The following ATG5 variants were observed in gnomAD, a reference collection of about 807,000 sequenced individuals.
ATG5 encodes the protein autophagy protein 5.
Under a neutral mutation model 36.5 loss-of-function variants are expected in ATG5, and 14 were observed. That is an observed-to-expected ratio of 0.38 (90% CI 0.25 to 0.60). ATG5 has a LOEUF of 0.60. Among genes scored for constraint, ATG5 ranks in the 20% least tolerant of loss-of-function variants. The pLI is 0.60. For synonymous variants in ATG5, 95 were observed against 101.5 expected (o/e 0.94, Z 0.38); for missense variants, 195 against 326.7 (o/e 0.60, Z 3.11).
At chr6:106,305,514 G>A (rs989329479) in intron 3 of ATG5, among the ~76,000 whole-genome samples, 1 of 152,048 alleles carries the variant, frequency 6.6e-6, no homozygotes, top group South Asian at 2.1e-4. Flanking sequence ...CAGTGACAAG[G>A]TTATAAAGAG....
chr6:106,296,023 A>T (rs573676613), intron 3 of ATG5, among the ~76,000 whole-genome samples: 1 of 152,310 alleles, frequency 6.6e-6, no homozygotes, highest in African/African-American at 2.4e-5. Flanking sequence ...AACAAAGTAC[A>T]TAATAAACAA....
At chr6:106,213,182 T>C (rs1212736490) in intron 6 of ATG5, among the ~76,000 whole-genome samples, 5 of 152,230 alleles carry the variant, frequency 3.3e-5, no homozygotes, top group Non-Finnish European at 7.3e-5. Flanking sequence ...ATATTTACTA[T>C]GCATTTACCA....
intron 4 of ATG5, among the ~76,000 whole-genome samples, chr6:106,291,103 GGCCAGT>G (rs1562258917): frequency 6.6e-6 from 1 of 152,122 alleles, no homozygotes; most frequent in Non-Finnish European, 1.5e-5. Context: ...AAAAATAAGT[GGCCAGT>G]TCAGCTGGCA....
At chr6:106,242,410 A>G (rs1166573816) in intron 6 of ATG5, among the ~76,000 whole-genome samples, 3 of 152,228 alleles carry the variant, frequency 2.0e-5, no homozygotes, top group Non-Finnish European at 4.4e-5. Flanking sequence ...ATGGATGTCA[A>G]ATCCATAAAG....
At chr6:106,212,880 G>C (rs1353293146) in intron 6 of ATG5, among the ~76,000 whole-genome samples, 2 of 152,072 alleles carry the variant, frequency 1.3e-5, no homozygotes, top group African/African-American at 4.8e-5. Flanking sequence ...AGCATACTAT[G>C]GTACATTACT....
chr6:106,306,584 T>G (rs11961938), intron 3 of ATG5, among the ~76,000 whole-genome samples: 1,592 of 152,336 alleles, frequency 0.01, 25 homozygotes, highest in African/African-American at 0.036. Flanking sequence ...ATGTCAGTAG[T>G]GACCCTATTG....
At chr6:106,321,808 A>G (rs1771086380) in intron 1 of ATG5, among the ~76,000 whole-genome samples, 1 of 152,130 alleles carries the variant, frequency 6.6e-6, no homozygotes, top group Non-Finnish European at 1.5e-5. Flanking sequence ...CCCTCCCCAC[A>G]TTGAACTGGG....
At chr6:106,315,603 C>T (rs931353634) in intron 2 of ATG5, among the ~76,000 whole-genome samples, 2 of 151,798 alleles carry the variant, frequency 1.3e-5, no homozygotes, top group African/African-American at 4.8e-5. Context: ...GCTCAGTGAA[C>T]GTATCGTGTG....
chr6:106,258,728 T>C (rs1441874154), intron 5 of ATG5, among the ~76,000 whole-genome samples: 3 of 152,222 alleles, frequency 2.0e-5, no homozygotes, highest in Non-Finnish European at 2.9e-5. Flanking sequence ...TAACATTCAA[T>C]GTTCAGCCAA....
chr6:106,291,825 C>T (rs990192250), intron 4 of ATG5, among the ~76,000 whole-genome samples: 1 of 152,178 alleles, frequency 6.6e-6, no homozygotes, highest in African/African-American at 2.4e-5. Context: ...TCATGCATAC[C>T]AACACTATGT....
At chr6:106,270,095 T>C (rs903765614) in intron 5 of ATG5, among the ~76,000 whole-genome samples, 1 of 152,244 alleles carries the variant, frequency 6.6e-6, no homozygotes, top group South Asian at 2.1e-4. Context: ...ATTACAAAGT[T>C]AATTTATTCA....
At chr6:106,209,996 G>A (rs1311644208) in intron 6 of ATG5, among the ~76,000 whole-genome samples, 3 of 152,138 alleles carry the variant, frequency 2.0e-5, no homozygotes, top group South Asian at 2.1e-4. Flanking sequence ...ATTGGAATCC[G>A]CATTTTAACA....
At chr6:106,276,261 G>A (rs569219849) in intron 5 of ATG5, among the ~76,000 whole-genome samples, 5 of 152,118 alleles carry the variant, frequency 3.3e-5, no homozygotes, top group South Asian at 2.1e-4. Context: ...TCAGGAGATC[G>A]AGACCATCCT....
intron 3 of ATG5, among the ~76,000 whole-genome samples, chr6:106,302,256 G>A (rs563353798): frequency 2.6e-5 from 4 of 152,074 alleles, no homozygotes; most frequent in Non-Finnish European, 4.4e-5. Flanking sequence ...GCAAAGAAAC[G>A]GAAGCCCAAA....
intron 6 of ATG5, among the ~76,000 whole-genome samples, chr6:106,231,318 CAG>C (rs1777680401): frequency 6.6e-6 from 1 of 152,196 alleles, no homozygotes. Flanking sequence ...CCCCAAATGA[CAG>C]AAGTGTCGCC....
rs577075624 is a variant in ATG5 at position 106,263,994 on chromosome 6, T to C, written c.478+15667A>G. Among the ~76,000 whole-genome samples, 4 of 151,732 alleles carry C rather than the reference T, an allele frequency of 2.6e-5. No individual in the cohort carries two copies. The South Asian group carries it at 6.2e-4, about 24-fold the overall frequency. On this transcript the variant is annotated intron_variant, in intron 5 of 7. Transcript: ENST00000369076. ...GCACAAAACTGGATGAAGAATGAAG[T>C]TGATGAATTGACAGAAGAAGGCTTC...
intron 3 of ATG5, among the ~76,000 whole-genome samples, chr6:106,305,518 TAA>T (rs1461976763): frequency 2.0e-5 from 3 of 152,062 alleles, no homozygotes; most frequent in Admixed American, 2.0e-4. Flanking sequence ...GACAAGGTTA[TAA>T]AGAGAGAAGA....
At chr6:106,276,202 C>T (rs1779640713) in intron 5 of ATG5, among the ~76,000 whole-genome samples, 1 of 152,154 alleles carries the variant, frequency 6.6e-6, no homozygotes, top group African/African-American at 2.4e-5. Flanking sequence ...CGGTGGCTCA[C>T]GCCTGTAATC....
chr6:106,287,389 G>A (rs1473978999), intron 4 of ATG5, among the ~76,000 whole-genome samples: 1 of 152,238 alleles, frequency 6.6e-6, no homozygotes, highest in Non-Finnish European at 1.5e-5. Flanking sequence ...TTTGCCTGCT[G>A]TGCTTGAAAG....
Sources: gnomAD v4.1 joint callset for allele counts (sites outside exome capture counted in the v4.1 genomes callset) on GRCh38, gnomAD v4.1.1 for gene constraint, MANE v1.5 for transcripts, NCBI Gene and HGNC (gene_info 2026-07-23, HGNC 2026-07-21) for gene names.